Variants in FAM24B observed in about 807,000 individuals in gnomAD.
FAM24B encodes the protein protein FAM24B.
Under a neutral mutation model 2.3 loss-of-function variants are expected in FAM24B, and 3 were observed. That is an observed-to-expected ratio of 1.29 (90% CI 0.59 to 3.32). FAM24B has a LOEUF of 3.32. Among genes scored for constraint, FAM24B ranks in the 30% most tolerant of loss-of-function variants. The pLI is 0.03. For missense variants in FAM24B, 98 were observed against 117.2 expected (o/e 0.84, Z 0.76); for synonymous variants, 36 against 46.3 (o/e 0.78, Z 0.90).
intron 1 of FAM24B, among the ~76,000 whole-genome samples, chr10:122,877,565 T>C (rs1847994848): frequency 2.0e-5 from 3 of 152,218 alleles, no homozygotes; most frequent in Admixed American, 1.3e-4. Flanking sequence ...GCATATCTTA[T>C]AACCTTCTGA....
intron 1 of FAM24B, among the ~76,000 whole-genome samples, chr10:122,859,218 T>A (rs1028250388): frequency 6.6e-6 from 1 of 152,164 alleles, no homozygotes; most frequent in African/African-American, 2.4e-5. Flanking sequence ...ACACTCCAAA[T>A]AGGATGACAC....
chr10:122,867,311 A>C (rs1847818246), intron 1 of FAM24B, among the ~76,000 whole-genome samples: 1 of 152,250 alleles, frequency 6.6e-6, no homozygotes, highest in Admixed American at 6.5e-5. Context: ...AACTGGGTGG[A>C]GTCCACCACA....
intron 1 of FAM24B, among the ~76,000 whole-genome samples, chr10:122,867,904 G>A (rs1803719070): frequency 6.6e-6 from 1 of 152,212 alleles, no homozygotes. Flanking sequence ...CCAAAGGAAC[G>A]CAGCTCCTCA....
intron 1 of FAM24B, among the ~76,000 whole-genome samples, chr10:122,861,455 T>C (rs1330059032): frequency 6.6e-6 from 1 of 152,230 alleles, no homozygotes; most frequent in Non-Finnish European, 1.5e-5. Flanking sequence ...TTCCTTTGCC[T>C]CTTTGTATAC....
intron 1 of FAM24B, among the ~76,000 whole-genome samples, chr10:122,868,039 T>C (rs190510774): frequency 1.7e-3 from 254 of 152,116 alleles, no homozygotes; most frequent in African/African-American, 5.4e-3. Flanking sequence ...GTTAAAAACT[T>C]TGAAAAAAAT....
chr10:122,870,612 G>A (rs1272446846), intron 1 of FAM24B, among the ~76,000 whole-genome samples: 1 of 152,130 alleles, frequency 6.6e-6, no homozygotes, highest in Non-Finnish European at 1.5e-5. Context: ...TTCATCCCTG[G>A]GATGCAAGGC....
chr10:122,849,461 A>G (rs747938317), intron 3 of FAM24B, 22 bp from the exon 4 acceptor site: 2 of 1,587,222 alleles, frequency 1.3e-6, no homozygotes, highest in South Asian at 2.3e-5. Context: ...ACACACACAA[A>G]GCACAGGCTT....
intron 1 of FAM24B, among the ~76,000 whole-genome samples, chr10:122,862,202 A>G (rs1847734678): frequency 6.6e-6 from 1 of 152,214 alleles, no homozygotes; most frequent in African/African-American, 2.4e-5. Flanking sequence ...TTCCTTGGCC[A>G]TATTATTGAA....
intron 1 of FAM24B, among the ~76,000 whole-genome samples, chr10:122,866,623 T>C (rs968156943): frequency 2.0e-5 from 3 of 152,122 alleles, no homozygotes; most frequent in Non-Finnish European, 4.4e-5. Flanking sequence ...TTATTATATA[T>C]GTTATGGTGA....
At chr10:122,871,681 T>C (rs1847899672) in intron 1 of FAM24B, among the ~76,000 whole-genome samples, 2 of 152,122 alleles carry the variant, frequency 1.3e-5, no homozygotes, top group Non-Finnish European at 1.5e-5. Flanking sequence ...AAAGAAGAAA[T>C]GGGGAAAGGA....
intron 1 of FAM24B, among the ~76,000 whole-genome samples, chr10:122,865,911 CTTT>C (rs1222037474): frequency 1.4e-5 from 2 of 139,632 alleles, no homozygotes; most frequent in African/African-American, 2.6e-5. Flanking sequence ...TTGTATTATT[CTTT>C]TTTTTTTTTT....
At chr10:122,869,027 T>C (rs2133837883) in intron 1 of FAM24B, among the ~76,000 whole-genome samples, 1 of 152,188 alleles carries the variant, frequency 6.6e-6, no homozygotes, top group Non-Finnish European at 1.5e-5. Context: ...GTGTGCTGTA[T>C]TCAGGAAACC....
chr10:122,854,244 T>C (rs1322122301), intron 2 of FAM24B, among the ~76,000 whole-genome samples: 1 of 152,238 alleles, frequency 6.6e-6, no homozygotes, highest in Non-Finnish European at 1.5e-5. Context: ...TTCCAATGTG[T>C]TTTAGTAATA....
chr10:122,860,208 T>C (rs573287496), intron 1 of FAM24B, among the ~76,000 whole-genome samples: 8 of 152,198 alleles, frequency 5.3e-5, no homozygotes, highest in Non-Finnish European at 1.2e-4. Flanking sequence ...TTCTCCCCTA[T>C]ATGCCACCAC....
rs1424459461 is a variant in FAM24B, at chr10:122,855,765, C to T, written c.-156G>A. On this transcript the variant is annotated 5_prime_UTR_variant, in exon 2 of 4. An upstream start codon of the reference 5' UTR is lost. Coordinates refer to ENST00000368898, the MANE Select transcript of FAM24B (RefSeq NM_152644.3). Reference sequence around the variant, plus strand: ...CCAGGGTCTTCCAACTGCAGCTTCCCATCTCACCACTTCTAAGGCAACTGG... The same window carrying T: ...CCAGGGTCTTCCAACTGCAGCTTCCTATCTCACCACTTCTAAGGCAACTGG... 3 of 152,280 alleles carry T rather than the reference C, an allele frequency of 2.0e-5. No homozygotes were observed. The highest frequency in any genetic ancestry group is 7.2e-5 in the African/African-American group (3 of 41,474). The allele number at this position is 152,280 out of a possible 1,614,324, so 9.4% of individuals were successfully genotyped here.
chr10:122,863,460 C>G (rs1847756409), intron 1 of FAM24B, among the ~76,000 whole-genome samples: 1 of 152,148 alleles, frequency 6.6e-6, no homozygotes, highest in African/African-American at 2.4e-5. Flanking sequence ...GGCTATAAAC[C>G]TCAAGACTAG....
At chr10:122,852,775 G>A (rs1847564856) in intron 2 of FAM24B, among the ~76,000 whole-genome samples, 1 of 152,296 alleles carries the variant, frequency 6.6e-6, no homozygotes. Context: ...TTACAGCTTG[G>A]TAACAGTAGA....
intron 1 of FAM24B, among the ~76,000 whole-genome samples, chr10:122,865,503 T>G (rs918434639): frequency 3.9e-5 from 6 of 152,186 alleles, no homozygotes; most frequent in Non-Finnish European, 1.5e-5. Flanking sequence ...CTTTTTCTAC[T>G]TGTTGGATTC....
At chr10:122,866,354 T>C (rs567967787) in intron 1 of FAM24B, among the ~76,000 whole-genome samples, 2 of 152,222 alleles carry the variant, frequency 1.3e-5, no homozygotes, top group South Asian at 2.1e-4. Flanking sequence ...CATTGGTTTT[T>C]TCTTTGTCAA....
Sources: allele counts gnomAD v4.1 joint callset (sites outside exome capture counted in the v4.1 genomes callset), GRCh38; gene constraint gnomAD v4.1.1; transcripts MANE v1.5; gene names NCBI Gene and HGNC (gene_info 2026-07-23, HGNC 2026-07-21).